Variants in CDH19 observed in about 807,000 individuals in gnomAD.
The protein encoded by CDH19 is cadherin 19, also known as cadherin-19.
In CDH19, 67 loss-of-function variants were observed where a neutral mutation model predicts 64.2. The ratio of observed to expected loss-of-function variants is 1.04; its 90% CI spans 0.86 to 1.28. CDH19 has a LOEUF of 1.28. Among genes scored for constraint, CDH19 ranks in the 50% most tolerant of loss-of-function variants. The pLI is 0.00. For synonymous variants in CDH19, 346 were observed against 319.3 expected (o/e 1.08, Z -0.89); for missense variants, 1,030 against 929.0 (o/e 1.11, Z -1.41).
intron 3 of CDH19, 77 bp from the exon 4 acceptor site, chr18:66,554,601 T>C: frequency 8.4e-7 from 1 of 1,195,248 alleles, no homozygotes; most frequent in Non-Finnish European, 1.2e-6. Context: ...GCGGTCTTTC[T>C]TTACCAAGCA....
At chr18:66,559,681 T>TAC (rs1475725374) in intron 3 of CDH19, among the ~76,000 whole-genome samples, 1 of 150,818 alleles carries the variant, frequency 6.6e-6, no homozygotes, top group Non-Finnish European at 1.5e-5. Flanking sequence ...TATATGAATA[T>TAC]ATATATGTAT....
intron 3 of CDH19, among the ~76,000 whole-genome samples, chr18:66,560,436 A>T (rs530509458): frequency 6.6e-6 from 1 of 152,156 alleles, no homozygotes; most frequent in Non-Finnish European, 1.5e-5. Context: ...ACCTTTCACA[A>T]ATATCAGCTT....
intron 9 of CDH19, among the ~76,000 whole-genome samples, chr18:66,513,716 G>T (rs1985602424): frequency 6.6e-6 from 1 of 151,274 alleles, no homozygotes; most frequent in Non-Finnish European, 1.5e-5. Context: ...AACTATCGTT[G>T]ACCTTATACA....
chr18:66,580,488 A>G (rs1988391873), intron 1 of CDH19, among the ~76,000 whole-genome samples: 1 of 152,134 alleles, frequency 6.6e-6, no homozygotes, highest in African/African-American at 2.4e-5. Flanking sequence ...CTAGGCAGAG[A>G]AAACTGACAA....
chr18:66,512,533 T>C (rs946728471), intron 9 of CDH19, among the ~76,000 whole-genome samples: 46 of 151,536 alleles, frequency 3.0e-4, no homozygotes, highest in East Asian at 5.8e-4. Flanking sequence ...AAGCCCAGAT[T>C]TATATTATAC....
intron 4 of CDH19, among the ~76,000 whole-genome samples, 170 bp from the exon 5 acceptor site, chr18:66,551,428 G>A (rs1796436955): frequency 1.3e-5 from 2 of 151,994 alleles, no homozygotes; most frequent in African/African-American, 4.8e-5. Context: ...CATCAACACT[G>A]CCTAGAGTCT....
In CDH19 at chr18:66,544,775, TTTG is replaced by T; in HGVS notation, c.901_903del (p.Gln301del). On this transcript the variant is annotated inframe_deletion, in exon 6 of 12. Transcript: ENST00000262150. ...TCATGATTAGTAATAATGTCAAATG[TTTG>T]CGAATCATCCTCTTCAATGCTGTAA... 6.2e-7 allele frequency: 1 copy of T among 1,612,108 alleles called. No homozygotes were observed. The highest frequency in any genetic ancestry group is 8.5e-7 in the Non-Finnish European group (1 of 1,178,392).
chr18:66,543,319 G>A (rs868195312), intron 7 of CDH19, among the ~76,000 whole-genome samples: 5 of 151,938 alleles, frequency 3.3e-5, no homozygotes, highest in Admixed American at 6.6e-5. Flanking sequence ...GAGCCACCGC[G>A]CGCTGCCTTA....
intron 3 of CDH19, among the ~76,000 whole-genome samples, chr18:66,563,126 T>C (rs1014193269): frequency 3.3e-5 from 5 of 152,096 alleles, no homozygotes; most frequent in African/African-American, 1.2e-4. Context: ...AATTTTCCTA[T>C]GCAGACTAAT....
intron 1 of CDH19, among the ~76,000 whole-genome samples, chr18:66,594,556 C>G (rs75927929): frequency 1.3e-5 from 2 of 151,880 alleles, no homozygotes; most frequent in Non-Finnish European, 2.9e-5. Context: ...CAAAGTCATA[C>G]GAATCACAGT....
chr18:66,536,545 G>C (rs960384780), intron 7 of CDH19, among the ~76,000 whole-genome samples: 1 of 151,678 alleles, frequency 6.6e-6, no homozygotes, highest in Non-Finnish European at 1.5e-5. Flanking sequence ...AGTTTGACAG[G>C]ATGTTATAGT....
At chr18:66,560,029 C>G (rs1049460515) in intron 3 of CDH19, among the ~76,000 whole-genome samples, 3 of 151,772 alleles carry the variant, frequency 2.0e-5, no homozygotes, top group East Asian at 3.9e-4. Flanking sequence ...TTGTTTGTTT[C>G]TTTTGTTTTG....
At chr18:66,573,580 G>A (rs953751726) in intron 1 of CDH19, among the ~76,000 whole-genome samples, 2 of 151,266 alleles carry the variant, frequency 1.3e-5, no homozygotes, top group Non-Finnish European at 3.0e-5. Flanking sequence ...ATTTTTGGTA[G>A]CTGATGAATA....
chr18:66,511,701 G>T lies in CDH19; in HGVS notation c.1459-16C>A, dbSNP rs758691241. 7.3e-6 allele frequency: 9 copies of T among 1,232,308 alleles called. No individual in the cohort carries two copies. In the Admixed American group the frequency reaches 1.1e-4, roughly 15 times the overall value. 76.3% of individuals were successfully genotyped at this position (1,232,308 alleles called of 1,614,324 possible). ...TCTGAATTACCTAAAAAAAAAGGGG[G>T]ATAGATTTTTGTTGTTGTTTGGATT... On this transcript the variant is annotated splice_polypyrimidine_tract_variant and intron_variant, in intron 9 of 11. Transcript: ENST00000262150.
chr18:66,506,517 C>T (rs561317272), intron 11 of CDH19, among the ~76,000 whole-genome samples: 3 of 152,004 alleles, frequency 2.0e-5, no homozygotes, highest in Non-Finnish European at 4.4e-5. Context: ...TTCTGTGACA[C>T]CACATAAATT....
At chr18:66,555,477 C>T (rs1016695032) in intron 3 of CDH19, among the ~76,000 whole-genome samples, 1 of 151,672 alleles carries the variant, frequency 6.6e-6, no homozygotes, top group Admixed American at 6.6e-5. Context: ...CTAAATAGTA[C>T]ATATTCTTTG....
Position 66,509,165 on chromosome 18 carries a change from G to T in CDH19, c.1658C>A (p.Ala553Asp). Reference protein sequence around the residue: ...EPVFYISILIADNGIPSLTST... With the variant: ...EPVFYISILIDDNGIPSLTST... ...TGTAAGTGACGGGATTCCATTGTCG[G>T]CAATTAAGATGGAGATGTAGAAGAC... Residue 553 changes from alanine to aspartate, a missense_variant, in exon 11 of 12, where the codon GCC becomes GAC. Coordinates refer to ENST00000262150, the MANE Select transcript of CDH19 (RefSeq NM_021153.4). 6.2e-7 allele frequency: 1 copy of T among 1,612,694 alleles called. No homozygotes were observed. Among genetic ancestry groups the T allele is most frequent in the Non-Finnish European group, 8.5e-7 (1 of 1,179,106 alleles).
chr18:66,593,978 C>T (rs762805392), intron 1 of CDH19, among the ~76,000 whole-genome samples: 2 of 151,970 alleles, frequency 1.3e-5, no homozygotes, highest in Non-Finnish European at 2.9e-5. Flanking sequence ...TGAAAATGGG[C>T]TAAATGCCCC....
rs1263242803 is a variant in CDH19 at position 66,588,605 on chromosome 18, C to CATATATATATATAAATAT, written c.-113+15348_-113+15349insATATTTATATATATATAT. Reference sequence around the variant, plus strand: ...AATGATCTTACTCATTTTTACTAATCATATATATCTATATCTATATCTATA... The same window carrying CATATATATATATAAATAT: ...AATGATCTTACTCATTTTTACTAATCATATATATATATAAATATATATATATCTATATCTATATCTATA... On this transcript the variant is annotated intron_variant, in intron 1 of 11. Transcript: ENST00000262150. Among the ~76,000 whole-genome samples, 212 of 116,742 alleles carry CATATATATATATAAATAT rather than the reference C, an allele frequency of 1.8e-3. 4 individuals carry two copies. Among genetic ancestry groups the CATATATATATATAAATAT allele is most frequent in the Non-Finnish European group, 2.6e-3 (129 of 48,712 alleles). 76.6% of individuals were successfully genotyped at this position (116,742 alleles called of 152,430 possible).
Sources: allele counts gnomAD v4.1 joint callset (sites outside exome capture counted in the v4.1 genomes callset), GRCh38; gene constraint gnomAD v4.1.1; transcripts MANE v1.5; gene names NCBI Gene and HGNC (gene_info 2026-07-23, HGNC 2026-07-21).